Variants in PITPNM2 observed in about 807,000 individuals in gnomAD.
PITPNM2 encodes membrane-associated phosphatidylinositol transfer protein 2.
A neutral mutation model predicts 132.2 loss-of-function variants in PITPNM2; 35 were observed. The ratio of observed to expected loss-of-function variants is 0.26; its 90% CI spans 0.20 to 0.35. The LOEUF (loss-of-function observed/expected upper bound fraction) is 0.35, where lower values mean the gene tolerates loss of function less well. Among genes scored for constraint, PITPNM2 ranks in the 10% least tolerant of loss-of-function variants. PITPNM2 has a pLI of 1.00. For synonymous variants in PITPNM2, 738 were observed against 799.2 expected (o/e 0.92, Z 1.29); for missense variants, 1,332 against 1,912.0 (o/e 0.70, Z 5.66).
rs1424390135 is a variant in PITPNM2, at chr12:122,994,380, G to A, written c.2233+421C>T. ...GGCCTGCCTGCCCTGGGTAGACAGA[G>A]ACGCACAGCTGTGGCCCCTCCAGGG... On this transcript the variant is annotated intron_variant, in intron 15 of 25. Transcript: ENST00000320201. This position sits in a 1 kb window ranked among gnomAD's most constrained non-coding sequence, Gnocchi z 5.4. Among the ~76,000 whole-genome samples, 1 of 152,234 alleles carries A rather than the reference G, an allele frequency of 6.6e-6. No homozygotes were observed. Among genetic ancestry groups the A allele is most frequent in the African/African-American group, 2.4e-5 (1 of 41,466 alleles).
rs531849367 is a variant in PITPNM2 at position 123,137,659 on chromosome 12, G to A, written c.-200+13094C>T. ...TATCATCCCAGCACTTTGGGAGGCCGAGACAGGCGGATCACTTGAGGCCAG... is the reference window on the plus strand; with the variant it reads ...TATCATCCCAGCACTTTGGGAGGCCAAGACAGGCGGATCACTTGAGGCCAG... On this transcript the variant is annotated intron_variant, in intron 1 of 25. Transcript: ENST00000320201. Among the ~76,000 whole-genome samples, 286 of 152,188 alleles carry A rather than the reference G, an allele frequency of 1.9e-3. 2 individuals are homozygous for A. The highest frequency in any genetic ancestry group is 6.3e-3 in the African/African-American group (260 of 41,552).
At chr12:123,014,823 C>CA (rs1403117388) in intron 3 of PITPNM2, among the ~76,000 whole-genome samples, 1 of 152,232 alleles carries the variant, frequency 6.6e-6, no homozygotes, top group Non-Finnish European at 1.5e-5. Context: ...AAATGCTAAA[C>CA]AATCTCCACC....
intron 1 of PITPNM2, among the ~76,000 whole-genome samples, chr12:123,124,512 A>G (rs1320054282): frequency 6.6e-6 from 1 of 152,186 alleles, no homozygotes; most frequent in Non-Finnish European, 1.5e-5. Context: ...AAAACTAGCA[A>G]CCATCACTGT....
At chr12:123,028,975 G>A (rs1259496554) in intron 3 of PITPNM2, among the ~76,000 whole-genome samples, 1 of 152,166 alleles carries the variant, frequency 6.6e-6, no homozygotes, top group Non-Finnish European at 1.5e-5. Flanking sequence ...TCCAAGTCGG[G>A]GTGGCCTGAA....
At chr12:123,014,115 T>G in intron 3 of PITPNM2, 73 bp from the exon 4 acceptor site, 4 of 1,531,926 alleles carry the variant, frequency 2.6e-6, no homozygotes, top group Non-Finnish European at 3.6e-6. Context: ...CACAGGAGAC[T>G]GGGCCCAGGG....
At position 122,985,314 on chromosome 12, in the gene PITPNM2, C is replaced by T. The variant is rs977110026; in HGVS notation, c.*713G>A. 3 of 152,488 alleles carry T rather than the reference C, an allele frequency of 2.0e-5. No individual in the cohort carries two copies. The highest frequency in any genetic ancestry group is 7.2e-5 in the African/African-American group (3 of 41,452). The allele number at this position is 152,488 out of a possible 1,614,324, so 9.4% of individuals were successfully genotyped here. A position where few individuals can be genotyped will look rare whatever the true frequency, so the allele number is the denominator to read the frequency against. On this transcript the variant is annotated 3_prime_UTR_variant, in exon 26 of 26. Transcript: ENST00000320201. ...AGCGGAAGAGGCGGCCAGGCCCGTC[C>T]AGCCCGTGGCCTGAGGCTGGAAACA...
At chr12:123,067,221 C>G (rs1449777182) in intron 2 of PITPNM2, among the ~76,000 whole-genome samples, 1 of 152,110 alleles carries the variant, frequency 6.6e-6, no homozygotes, top group Non-Finnish European at 1.5e-5. Context: ...CTTTGGGAAC[C>G]AAGGTGGGTG....
At chr12:123,056,265 G>A (rs928802901) in intron 2 of PITPNM2, among the ~76,000 whole-genome samples, 6 of 152,206 alleles carry the variant, frequency 3.9e-5, no homozygotes, top group Non-Finnish European at 7.3e-5. Context: ...CAGAGTACTC[G>A]TCTGAGAAGA....
intron 2 of PITPNM2, among the ~76,000 whole-genome samples, chr12:123,066,598 G>A (rs987020200): frequency 2.0e-5 from 3 of 152,188 alleles, no homozygotes; most frequent in Non-Finnish European, 4.4e-5. Context: ...CCCATCCTGT[G>A]AGAGGGGCTT....
chr12:123,046,897 T>C (rs1485988974), intron 2 of PITPNM2, among the ~76,000 whole-genome samples: 2 of 152,260 alleles, frequency 1.3e-5, no homozygotes, highest in East Asian at 3.8e-4. Context: ...TGGAGTCAAG[T>C]GTATCTTACT....
At chr12:123,003,480 C>T (rs981888223) in intron 8 of PITPNM2, among the ~76,000 whole-genome samples, 4 of 152,348 alleles carry the variant, frequency 2.6e-5, no homozygotes, top group East Asian at 3.9e-4. Context: ...GGTGCAGAGG[C>T]CAGCTCGGGA....
intron 2 of PITPNM2, among the ~76,000 whole-genome samples, chr12:123,061,927 C>T (rs368267547): frequency 6.6e-6 from 1 of 152,054 alleles, no homozygotes; most frequent in Non-Finnish European, 1.5e-5. Flanking sequence ...GAGTTGGGTG[C>T]GGAGGAAGGC....
chr12:122,988,481 C>T, intron 19 of PITPNM2, 131 bp from the exon 20 acceptor site: 1 of 830,072 alleles, frequency 1.2e-6, no homozygotes, highest in Non-Finnish European at 2.0e-6. Flanking sequence ...CAACTCACTA[C>T]TGTCTGCCCA....
At chr12:123,134,402 T>C (rs2043331259) in intron 1 of PITPNM2, among the ~76,000 whole-genome samples, 2 of 152,116 alleles carry the variant, frequency 1.3e-5, no homozygotes, top group African/African-American at 4.8e-5. Context: ...ACATTGGTGA[T>C]GTGATGGAAA....
intron 1 of PITPNM2, among the ~76,000 whole-genome samples, chr12:123,130,351 A>G (rs1476046038): frequency 6.6e-6 from 1 of 152,150 alleles, no homozygotes; most frequent in East Asian, 1.9e-4. Context: ...TTATAGATGC[A>G]AAAGACCTTT....
chr12:123,128,436 G>A (rs1488357840), intron 1 of PITPNM2, among the ~76,000 whole-genome samples: 3 of 111,146 alleles, frequency 2.7e-5, no homozygotes, highest in East Asian at 5.4e-4. Context: ...GCAAGACCCC[G>A]TCTCAAGTTA....
chr12:123,127,796 A>T (rs1330635309), intron 1 of PITPNM2, among the ~76,000 whole-genome samples: 2 of 151,934 alleles, frequency 1.3e-5, no homozygotes, highest in Non-Finnish European at 2.9e-5. Flanking sequence ...TTTTTAGTAG[A>T]GACGGGGTTT....
At chr12:123,065,721 C>G (rs1272883140) in intron 2 of PITPNM2, among the ~76,000 whole-genome samples, 1 of 152,156 alleles carries the variant, frequency 6.6e-6, no homozygotes, top group Non-Finnish European at 1.5e-5. Flanking sequence ...CCCCAACAGG[C>G]ACCCTGGGCT....
At chr12:123,107,611 C>G (rs2042749201) in intron 2 of PITPNM2, among the ~76,000 whole-genome samples, 2 of 152,288 alleles carry the variant, frequency 1.3e-5, no homozygotes, top group South Asian at 2.1e-4. Context: ...CTTAGCGAAC[C>G]CCAGGGAGTG....
Sources: gnomAD v4.1 joint callset for allele counts (sites outside exome capture counted in the v4.1 genomes callset) on GRCh38, gnomAD v4.1.1 for gene constraint, Gnocchi (gnomAD v3.1) non-coding constraint, MANE v1.5 for transcripts, NCBI Gene and HGNC (gene_info 2026-07-23, HGNC 2026-07-21) for gene names.